Variants in HECTD4 observed in about 807,000 individuals in gnomAD.
HECTD4 encodes the protein HECT domain E3 ubiquitin protein ligase 4.
Under a neutral mutation model 471.5 loss-of-function variants are expected in HECTD4, and 114 were observed. The observed-to-expected ratio is 0.24, with a 90% confidence interval of 0.21 to 0.28. HECTD4 has a LOEUF of 0.28. HECTD4 is among the 10% of genes least tolerant of loss of function. The pLI, the probability that HECTD4 is intolerant of heterozygous loss-of-function variation, is 1.00. For missense variants in HECTD4, 3,866 were observed against 5,651.5 expected, an observed-to-expected ratio of 0.68 and a Z score of 10.13; for synonymous variants, 2,012 against 2,256.0, an observed-to-expected ratio of 0.89 and a Z score of 3.07.
Position 112,164,164 on chromosome 12 carries a change from T to C in HECTD4, c.12646A>G (p.Thr4216Ala). 1 of 1,613,528 alleles carries C rather than the reference T, an allele frequency of 6.2e-7. No homozygotes were observed. The highest frequency in any genetic ancestry group is 8.5e-7 in the Non-Finnish European group (1 of 1,179,824). The stretch of plus-strand genomic sequence containing the variant: ...AGCTCCACCTCCTCGCCCGTCATGG[T>C]CAGGTAGGTGAACCTGCAGCAGGGC... ...NKPCCRFTYLTMTGEEVELCS... is the reference protein window; with the variant it reads ...NKPCCRFTYLAMTGEEVELCS... Residue 4216 changes from threonine to alanine, a missense_variant, in exon 73 of 76, where the codon ACC (threonine) becomes GCC (alanine). Around this residue, in one of 16 missense-constraint regions of HECTD4, gnomAD observed 715 missense variants for 1,087.6 expected, o/e 0.66. Transcript: ENST00000682272.
At chr12:112,331,217 C>T (rs1335480541) in intron 1 of HECTD4, among the ~76,000 whole-genome samples, 3 of 152,216 alleles carry the variant, frequency 2.0e-5, no homozygotes, top group Non-Finnish European at 1.5e-5. Context: ...ACTACAGGCA[C>T]GTGCCACCAC....
intron 17 of HECTD4, among the ~76,000 whole-genome samples, chr12:112,263,845 G>A (rs904587574): frequency 1.3e-5 from 2 of 151,880 alleles, no homozygotes; most frequent in Non-Finnish European, 2.9e-5. Flanking sequence ...GAAGATGGAA[G>A]TAAACAAAGG....
In HECTD4 at chr12:112,213,907, A is replaced by ACTAGTCAGGCATGGTAGTG. The variant is rs1270684009; in HGVS notation, c.7466-1258_7466-1257insCACTACCATGCCTGACTAG. Among the ~76,000 whole-genome samples, 37 of 151,726 alleles carry ACTAGTCAGGCATGGTAGTG rather than the reference A, an allele frequency of 2.4e-4. No individual in the cohort carries two copies. Among genetic ancestry groups the ACTAGTCAGGCATGGTAGTG allele is most frequent in the Admixed American group, 2.2e-3 (33 of 15,224 alleles). ...CATGGTAGTGTGTGCCTATGGTCCC[A>ACTAGTCAGGCATGGTAGTG]GTTACTCAGGAGGCTGAGATGGGAG... On this transcript the variant is annotated intron_variant, in intron 48 of 75. Transcript: ENST00000682272. This position sits in a 1 kb window ranked among gnomAD's most constrained non-coding sequence, Gnocchi z 4.0.
At chr12:112,306,913 T>C (rs936584474) in intron 6 of HECTD4, among the ~76,000 whole-genome samples, 28 of 152,208 alleles carry the variant, frequency 1.8e-4, no homozygotes, top group African/African-American at 6.5e-4. Flanking sequence ...AAGGCATGTG[T>C]TTCTAATACT....
At chr12:112,368,529 A>G (rs985101371) in intron 1 of HECTD4, among the ~76,000 whole-genome samples, 3 of 152,236 alleles carry the variant, frequency 2.0e-5, no homozygotes, top group African/African-American at 7.2e-5. Flanking sequence ...AAGAAACAGC[A>G]GAAGACAATT....
At chr12:112,360,703 G>A (rs1388960146) in intron 1 of HECTD4, among the ~76,000 whole-genome samples, 1 of 152,170 alleles carries the variant, frequency 6.6e-6, no homozygotes, top group Non-Finnish European at 1.5e-5. Flanking sequence ...GGTAAGATTG[G>A]CCGGGGGCGG....
At chr12:112,267,185 A>G (rs983908417) in intron 13 of HECTD4, 1 of 554,214 alleles carries the variant, frequency 1.8e-6, no homozygotes, top group African/African-American at 1.9e-5. Context: ...TCACCGCTCC[A>G]TGTGCGTCCC....
intron 2 of HECTD4, among the ~76,000 whole-genome samples, chr12:112,316,502 C>G (rs2035482164): frequency 6.6e-6 from 1 of 152,120 alleles, no homozygotes; most frequent in African/African-American, 2.4e-5. Context: ...TCCACTGTAT[C>G]CCTACCACCA....
intron 7 of HECTD4, among the ~76,000 whole-genome samples, chr12:112,299,880 G>A (rs1400108078): frequency 6.6e-6 from 1 of 152,134 alleles, no homozygotes; most frequent in Non-Finnish European, 1.5e-5. Flanking sequence ...TCCAAGGCAG[G>A]TATCAGCTTT....
intron 16 of HECTD4, 87 bp from the exon 17 acceptor site, chr12:112,264,299 A>G (rs1566091942): frequency 8.1e-7 from 1 of 1,235,068 alleles, no homozygotes; most frequent in Admixed American, 3.5e-5. Context: ...AGATTTTGAC[A>G]AAGAAAACAA....
Position 112,170,433 on chromosome 12 carries a change from C to G in HECTD4, c.11952G>C (p.Thr3984=), listed in dbSNP as rs764640007. 2 of 1,613,930 alleles carry G rather than the reference C, an allele frequency of 1.2e-6. No homozygotes were observed. The highest frequency in any genetic ancestry group is 1.7e-6 in the Non-Finnish European group (2 of 1,179,894). ...KEAKGLIFYD[T]KVTVMNRVLN... ...GCACTCGATTCATCACGGTCACCTT[C>G]GTGTCATAGAAGATCAGCCCTAAGG... Residue 3984 remains threonine (T), a synonymous_variant, in exon 69 of 76, where the codon ACG becomes ACC. Coordinates refer to ENST00000682272, the MANE Select transcript of HECTD4 (RefSeq NM_001388303.1).
intron 6 of HECTD4, 46 bp from the exon 7 acceptor site, chr12:112,306,280 T>A: frequency 7.3e-7 from 1 of 1,378,174 alleles, no homozygotes; most frequent in Non-Finnish European, 9.5e-7. Context: ...ACATATAAAT[T>A]CTGATTAATC....
intron 64 of HECTD4, 94 bp downstream of exon 64, chr12:112,178,837 C>T (rs1455928709): frequency 1.4e-6 from 2 of 1,398,516 alleles, no homozygotes; most frequent in Non-Finnish European, 1.9e-6. Context: ...CACCAGGCTC[C>T]TCCAGAGGAG....
intron 55 of HECTD4, among the ~76,000 whole-genome samples, chr12:112,196,144 A>T (rs896274685): frequency 1.3e-5 from 2 of 152,176 alleles, no homozygotes; most frequent in Admixed American, 1.3e-4. Context: ...TGTTTCTAAA[A>T]CACAAAAACC....
chr12:112,274,988 A>ATGTT, intron 9 of HECTD4, 28 bp from the exon 10 acceptor site: 1 of 1,280,764 alleles, frequency 7.8e-7, no homozygotes, highest in Non-Finnish European at 1.1e-6. Flanking sequence ...AAGCTGTTTA[A>ATGTT]TGAGCCTGAA....
Position 112,172,810 on chromosome 12 carries a change from G to C in HECTD4, c.11646C>G (p.Thr3882=). The C allele has an allele frequency of 6.2e-7, 1 of 1,613,988 alleles. No homozygotes were observed. The highest frequency in any genetic ancestry group is 8.5e-7 in the Non-Finnish European group (1 of 1,179,890). The change falls in exon 67 of 76, where the codon ACC becomes ACG. Residue 3882 remains threonine, a synonymous_variant. Transcript: ENST00000682272. The part of the protein sequence containing the change: ...RHAQKASRKW[T]LEMDVALVQY... ...GCACAAGTGCCACGTCCATCTCCAG[G>C]GTCCACTTTCTTGAGGCCTTCTGTG... is the stretch of plus-strand genomic sequence containing the variant.
At chr12:112,169,761 A>C (rs1320128613) in intron 69 of HECTD4, 103 bp from the exon 70 acceptor site, 6 of 1,362,802 alleles carry the variant, frequency 4.4e-6, no homozygotes, top group African/African-American at 1.4e-5. Flanking sequence ...CTGTCCCTGG[A>C]CCCCTGCTCC....
rs749942638 is a variant in HECTD4, at chr12:112,228,608, T to C, written c.6684+39A>G. 12 of 1,566,618 alleles carry C rather than the reference T, an allele frequency of 7.7e-6. No individual in the cohort carries two copies. The highest frequency in any genetic ancestry group is 1.4e-5 in the African/African-American group (1 of 73,404). On this transcript the variant is annotated intron_variant, in intron 42 of 75. Transcript: ENST00000682272. The surrounding 1 kb of genome is among the most constrained non-coding windows in gnomAD (Gnocchi z 4.9). ...TAGACTCATTACAGTACAGTTACCA[T>C]TGGCAGACATTTTACAAAGCATTTA...
Position 112,184,102 on chromosome 12 carries a change from G to A in HECTD4, c.10779+85C>T, listed in dbSNP as rs540140023. 50 of 1,332,830 alleles carry A rather than the reference G, an allele frequency of 3.8e-5. No individual in the cohort carries two copies. In the African/African-American group the frequency reaches 6.7e-4, roughly 18 times the overall value. 82.6% of individuals were successfully genotyped at this position (1,332,830 alleles called of 1,614,324 possible). A position where few individuals can be genotyped will look rare whatever the true frequency, so the allele number is the denominator to read the frequency against. ...CCAACCGCTCCACCATTACCTACTAGGAAATAACTTTGGAAGATTTAAAGA... is the reference window on the plus strand; with the variant it reads ...CCAACCGCTCCACCATTACCTACTAAGAAATAACTTTGGAAGATTTAAAGA... On this transcript the variant is annotated intron_variant, in intron 61 of 75. Coordinates refer to ENST00000682272, the MANE Select transcript of HECTD4 (RefSeq NM_001388303.1). The surrounding 1 kb of genome is among the most constrained non-coding windows in gnomAD (Gnocchi z 9.1).
Sources: allele counts gnomAD v4.1 joint callset (sites outside exome capture counted in the v4.1 genomes callset), GRCh38; gene constraint gnomAD v4.1.1; regional missense constraint gnomAD v4.1.1; non-coding constraint Gnocchi (gnomAD v3.1); transcripts MANE v1.5; gene names NCBI Gene and HGNC (gene_info 2026-07-23, HGNC 2026-07-21).